Variants in ARHGAP6 observed in about 807,000 individuals in gnomAD.
ARHGAP6 encodes rho GTPase-activating protein 6.
In ARHGAP6, 16 loss-of-function variants were observed where a neutral mutation model predicts 55.7. That is an observed-to-expected ratio of 0.29 (90% CI 0.19 to 0.44). The LOEUF is 0.44. Ranked by LOEUF, ARHGAP6 falls within the 20% of genes least tolerant of loss-of-function variation. The probability of loss-of-function intolerance (pLI) is 1.00; values close to 1 mark genes in which losing one functional copy is unlikely to be tolerated. For missense variants in ARHGAP6, 698 were observed against 808.9 expected (o/e 0.86, Z 1.66); for synonymous variants, 382 against 360.9 (o/e 1.06, Z -0.66).
intron 1 of ARHGAP6, among the ~76,000 whole-genome samples, chrX:11,575,388 C>T (rs1411985341): frequency 8.9e-6 from 1 of 111,878 alleles, no homozygotes; most frequent in Admixed American, 9.6e-5. Context: ...GATGCAGCAA[C>T]AGGACTATTC....
intron 1 of ARHGAP6, among the ~76,000 whole-genome samples, chrX:11,529,015 G>C (rs760420864): frequency 8.9e-6 from 1 of 112,134 alleles, no homozygotes; most frequent in Non-Finnish European, 1.9e-5. Context: ...GTTGGATAGA[G>C]CAAGAAACAT....
At position 11,254,607 on chromosome X, in the gene ARHGAP6, A is replaced by T; in HGVS notation, c.689T>A (p.Val230Glu). The change falls in exon 2 of 13, where the codon GTG becomes GAG. Residue 230 changes from valine (V) to glutamate (E), a missense_variant. By Grantham distance (121) the Val-to-Glu change is moderately radical. This residue lies in a region of ARHGAP6 where 322 missense variants were observed against 451.1 expected (regional missense o/e 0.71). Coordinates refer to ENST00000337414, the MANE Select transcript of ARHGAP6 (RefSeq NM_013427.3). ...SELERARLQE[V>E]AFYQLQQDCD... Reference sequence around the variant, plus strand: ...GTCCTGTTGCAACTGATAAAAAGCCACTTCCTGCAGCCGGGCCCTCTCCAG... The same window carrying T: ...GTCCTGTTGCAACTGATAAAAAGCCTCTTCCTGCAGCCGGGCCCTCTCCAG... 8.3e-7 allele frequency: 1 copy of T among 1,208,492 alleles called. No individual in the cohort carries two copies. The highest frequency in any genetic ancestry group is 2.2e-5 in the Admixed American group (1 of 45,425).
chrX:11,486,121 A>G (rs1805777524), intron 1 of ARHGAP6, among the ~76,000 whole-genome samples: 2 of 111,646 alleles, frequency 1.8e-5, no homozygotes, highest in South Asian at 3.8e-4. Flanking sequence ...CCACCTCCTA[A>G]TAAGGAAAAA....
At chrX:11,430,766 T>G (rs928594537) in intron 1 of ARHGAP6, among the ~76,000 whole-genome samples, 8 of 112,160 alleles carry the variant, frequency 7.1e-5, no homozygotes, top group African/African-American at 2.6e-4. Context: ...TGTATAAATG[T>G]ATGGGGTAAC....
At chrX:11,376,588 T>C (rs1006747057) in intron 1 of ARHGAP6, among the ~76,000 whole-genome samples, 2 of 113,165 alleles carry the variant, frequency 1.8e-5, no homozygotes, top group African/African-American at 3.2e-5. Flanking sequence ...AGAATTCTAG[T>C]CTACAGAACT....
At chrX:11,298,184 T>A (rs767685604) in intron 1 of ARHGAP6, 1 of 1,207,306 alleles carries the variant, frequency 8.3e-7, no homozygotes, top group Non-Finnish European at 1.1e-6. Flanking sequence ...AGTTTCTATA[T>A]TGGATGAAAG....
intron 1 of ARHGAP6, among the ~76,000 whole-genome samples, chrX:11,556,432 G>A (rs2051320959): frequency 8.9e-6 from 1 of 112,171 alleles, no homozygotes; most frequent in African/African-American, 3.2e-5. Context: ...ATGTGCCAGT[G>A]CGAATTGGCC....
At chrX:11,281,960 T>C (rs745313831) in intron 1 of ARHGAP6, among the ~76,000 whole-genome samples, 5 of 112,051 alleles carry the variant, frequency 4.5e-5, no homozygotes, top group African/African-American at 1.6e-4. Context: ...TGTCTTGCCT[T>C]CAGGGTTGCT....
intron 2 of ARHGAP6, among the ~76,000 whole-genome samples, chrX:11,222,305 A>T (rs1379255633): frequency 8.9e-6 from 1 of 112,396 alleles, no homozygotes; most frequent in Non-Finnish European, 1.9e-5. Flanking sequence ...CAGTTCTTCT[A>T]TAGCAATAAT....
chrX:11,501,344 G>A (rs56256611), intron 1 of ARHGAP6, among the ~76,000 whole-genome samples: 20 of 111,415 alleles, frequency 1.8e-4, no homozygotes, highest in Non-Finnish European at 3.4e-4. Context: ...TAGCCACTTG[G>A]GAGGCTGAGG....
At chrX:11,549,534 G>C (rs181363894) in intron 1 of ARHGAP6, among the ~76,000 whole-genome samples, 2 of 112,097 alleles carry the variant, frequency 1.8e-5, no homozygotes, top group African/African-American at 6.5e-5. Context: ...AAGGTTTAGA[G>C]CCACTGCCCT....
chrX:11,299,007 C>A, intron 1 of ARHGAP6: 1 of 1,197,561 alleles, frequency 8.4e-7, no homozygotes, highest in Non-Finnish European at 1.1e-6. Context: ...CAATGCAAAT[C>A]CTGTGAAAAT....
intron 1 of ARHGAP6, among the ~76,000 whole-genome samples, chrX:11,471,862 T>C (rs1457073422): frequency 1.8e-5 from 2 of 111,396 alleles, no homozygotes; most frequent in Non-Finnish European, 3.8e-5. Flanking sequence ...CTTAAAAACA[T>C]GTCCCCAGGC....
At chrX:11,233,646 C>T (rs1016126062) in intron 2 of ARHGAP6, among the ~76,000 whole-genome samples, 8 of 111,816 alleles carry the variant, frequency 7.2e-5, no homozygotes, top group Non-Finnish European at 1.1e-4. Context: ...TAAAGCATAA[C>T]GTTGCCATTT....
At chrX:11,521,305 G>A (rs992196555) in intron 1 of ARHGAP6, among the ~76,000 whole-genome samples, 4 of 112,013 alleles carry the variant, frequency 3.6e-5, no homozygotes, top group Non-Finnish European at 7.5e-5. Flanking sequence ...TAACATTTAA[G>A]TCTTTCATCC....
intron 1 of ARHGAP6, among the ~76,000 whole-genome samples, chrX:11,573,901 C>A (rs2051563067): frequency 9.0e-6 from 1 of 111,447 alleles, no homozygotes; most frequent in African/African-American, 3.3e-5. Context: ...AGGTCCTTCA[C>A]GTCCCTTGTA....
intron 1 of ARHGAP6, among the ~76,000 whole-genome samples, chrX:11,461,822 C>A (rs1205874846): frequency 8.9e-6 from 1 of 111,799 alleles, no homozygotes; most frequent in Admixed American, 9.5e-5. Context: ...GGCAGCAACT[C>A]TTCCCCACTG....
At chrX:11,645,582 CTTTCAAATAAAG>C (rs1410794665) in intron 1 of ARHGAP6, among the ~76,000 whole-genome samples, 2 of 112,127 alleles carry the variant, frequency 1.8e-5, no homozygotes, top group East Asian at 2.8e-4. Flanking sequence ...TGTCTCTAAA[CTTTCAAATAAAG>C]TTTCAAATAA....
At chrX:11,272,869 A>C (rs894516809) in intron 1 of ARHGAP6, among the ~76,000 whole-genome samples, 3 of 111,981 alleles carry the variant, frequency 2.7e-5, no homozygotes. Flanking sequence ...AATGGGATGC[A>C]GTGTTATAGC....
Sources: allele counts gnomAD v4.1 joint callset (sites outside exome capture counted in the v4.1 genomes callset), GRCh38; gene constraint gnomAD v4.1.1; regional missense constraint gnomAD v4.1.1; transcripts MANE v1.5; gene names NCBI Gene and HGNC (gene_info 2026-07-23, HGNC 2026-07-21).